CSMD2: variants seen among roughly 807,000 people sequenced by gnomAD.
CSMD2 encodes the protein CUB and sushi domain-containing protein 2.
CSMD2 carries 130 observed loss-of-function variants against 398.5 expected under a neutral mutation model. The ratio of observed to expected loss-of-function variants is 0.33; its 90% CI spans 0.28 to 0.38. The LOEUF (loss-of-function observed/expected upper bound fraction) is 0.38, where lower values mean the gene tolerates loss of function less well. CSMD2 is among the 10% of genes least tolerant of loss of function. The probability of loss-of-function intolerance (pLI) is 1.00; values close to 1 mark genes in which losing one functional copy is unlikely to be tolerated. For synonymous variants in CSMD2, 1,828 were observed against 1,908.5 expected (o/e 0.96, Z 1.10); for missense variants, 3,829 against 4,764.9 (o/e 0.80, Z 5.78).
chr1:33,737,889 A>T lies in CSMD2; in HGVS notation c.2368+1251T>A, dbSNP rs556397638. On this transcript the variant is annotated intron_variant, in intron 15 of 70. Coordinates refer to ENST00000373381, the MANE Select transcript of CSMD2 (RefSeq NM_001281956.2). ...GACTTACTTTATACCAGGACTGCCT[A>T]CTCCATACACATCTGATAATTATCA... 7.2e-5 allele frequency among the ~76,000 whole-genome samples: 11 copies of T among 152,198 alleles called. 1 individual carries two copies. In the South Asian group the frequency reaches 2.3e-3, roughly 32 times the overall value.
chr1:33,565,826 G>A (rs77727557), intron 53 of CSMD2, among the ~76,000 whole-genome samples: 6 of 151,976 alleles, frequency 3.9e-5, no homozygotes, highest in Non-Finnish European at 7.4e-5. Flanking sequence ...CAGCACAAAT[G>A]GACAAAAGGT....
intron 13 of CSMD2, among the ~76,000 whole-genome samples, chr1:33,770,990 C>A (rs181927619): frequency 6.6e-6 from 1 of 152,172 alleles, no homozygotes; most frequent in Non-Finnish European, 1.5e-5. Flanking sequence ...AGCAACAGTC[C>A]CTCAGCTGGC....
intron 5 of CSMD2, among the ~76,000 whole-genome samples, chr1:33,894,680 C>T (rs1417655484): frequency 6.6e-6 from 1 of 152,170 alleles, no homozygotes; most frequent in Non-Finnish European, 1.5e-5. Context: ...ACCTGTGCTT[C>T]CTAATAGAAC....
intron 5 of CSMD2, among the ~76,000 whole-genome samples, chr1:33,907,128 T>G (rs1643140635): frequency 6.8e-6 from 1 of 147,510 alleles, no homozygotes; most frequent in African/African-American, 2.5e-5. Context: ...TTTTTTTTTT[T>G]TTTTTTTTGA....
At chr1:34,130,513 G>A (rs1347014667) in intron 1 of CSMD2, among the ~76,000 whole-genome samples, 1 of 151,968 alleles carries the variant, frequency 6.6e-6, no homozygotes, top group Non-Finnish European at 1.5e-5. Context: ...GGCAGTCAAG[G>A]CCAGATCAAA....
chr1:33,776,431 G>C (rs757441621), intron 12 of CSMD2, among the ~76,000 whole-genome samples: 1 of 152,194 alleles, frequency 6.6e-6, no homozygotes, highest in Non-Finnish European at 1.5e-5. Context: ...TTTCTAAGTG[G>C]AGGAGGTCAC....
intron 3 of CSMD2, among the ~76,000 whole-genome samples, chr1:33,987,236 T>C (rs1451309495): frequency 6.6e-6 from 1 of 152,136 alleles, no homozygotes; most frequent in Non-Finnish European, 1.5e-5. Flanking sequence ...AAACAAGTAA[T>C]GATACCCCCT....
intron 5 of CSMD2, among the ~76,000 whole-genome samples, chr1:33,916,388 T>G (rs1643723531): frequency 6.6e-6 from 1 of 152,208 alleles, no homozygotes; most frequent in Admixed American, 6.5e-5. Flanking sequence ...AAACAGGTAT[T>G]TTACAAAAGA....
At chr1:33,937,890 T>C (rs767770972) in intron 3 of CSMD2, among the ~76,000 whole-genome samples, 1 of 152,258 alleles carries the variant, frequency 6.6e-6, no homozygotes, top group Non-Finnish European at 1.5e-5. Context: ...TCTCATTCCA[T>C]TGGGCCACAG....
At chr1:33,872,147 A>T (rs1346810101) in intron 5 of CSMD2, among the ~76,000 whole-genome samples, 1 of 152,230 alleles carries the variant, frequency 6.6e-6, no homozygotes, top group Non-Finnish European at 1.5e-5. Context: ...TAGTGCCACT[A>T]TTGTCTGCAG....
At position 33,611,041 on chromosome 1, in the gene CSMD2, C is replaced by T; in HGVS notation, c.6343G>A (p.Ala2115Thr). The change falls in exon 41 of 71, where the codon GCC becomes ACC. Residue 2115 changes from alanine to threonine, a missense_variant and splice_region_variant. Ala to Thr is a moderately conservative substitution (Grantham distance 58, BLOSUM62 0). Transcript: ENST00000373381. The stretch of plus-strand genomic sequence containing the variant: ...CAAAGGCGGTGCTCCTTGTCCTTAC[C>T]CTGATACTCCAGCTTGAATCCTGGC... ...NRPGFKLEYQ[A>T]YELQECPDPE... 6.2e-7 allele frequency: 1 copy of T among 1,613,556 alleles called. No individual in the cohort carries two copies. The highest frequency in any genetic ancestry group is 8.5e-7 in the Non-Finnish European group (1 of 1,179,836).
intron 3 of CSMD2, among the ~76,000 whole-genome samples, chr1:33,984,881 AGGC>A (rs1432582483): frequency 8.6e-5 from 13 of 151,860 alleles, no homozygotes; most frequent in African/African-American, 2.9e-4. Context: ...GCAGGCAGGC[AGGC>A]AGGAAGGAAG....
intron 24 of CSMD2, among the ~76,000 whole-genome samples, chr1:33,695,448 G>T (rs188690888): frequency 1.4e-4 from 21 of 152,272 alleles, no homozygotes; most frequent in African/African-American, 4.6e-4. Context: ...GGCAGGTGAA[G>T]AGGTCTACAT....
rs781778020 is a variant in CSMD2, at chr1:33,537,390, C to G, written c.9805+46G>C. ...TCATCTCAGGCCCAAAAGAAGGTCTCCCGCAACCCCAGCCAAGACGCTCCC... is the reference window on the plus strand; with the variant it reads ...TCATCTCAGGCCCAAAAGAAGGTCTGCCGCAACCCCAGCCAAGACGCTCCC... On this transcript the variant is annotated intron_variant, in intron 61 of 70. Coordinates refer to ENST00000373381, the MANE Select transcript of CSMD2 (RefSeq NM_001281956.2). This position sits in a 1 kb window ranked among gnomAD's most constrained non-coding sequence, Gnocchi z 4.6. 1.9e-6 allele frequency: 3 copies of G among 1,567,356 alleles called. No individual in the cohort carries two copies. The highest frequency in any genetic ancestry group is 1.8e-5 in the Admixed American group (1 of 54,686).
At chr1:33,554,490 T>C (rs1657774724) in intron 55 of CSMD2, among the ~76,000 whole-genome samples, 1 of 152,090 alleles carries the variant, frequency 6.6e-6, no homozygotes, top group Non-Finnish European at 1.5e-5. Context: ...ACCGACAGCC[T>C]TCTATTTGAA....
chr1:34,081,609 G>A (rs140792657), intron 2 of CSMD2, among the ~76,000 whole-genome samples: 4,604 of 152,222 alleles, frequency 0.03, 225 homozygotes, highest in African/African-American at 0.1. Context: ...TGGTGGAGAC[G>A]GGGTTTCGCC....
chr1:33,718,002 C>T (rs796939284), intron 19 of CSMD2, among the ~76,000 whole-genome samples: 61 of 152,272 alleles, frequency 4.0e-4, no homozygotes, highest in African/African-American at 1.4e-3. Flanking sequence ...GGAAGGGAGA[C>T]AGAAAAACTC....
intron 25 of CSMD2, among the ~76,000 whole-genome samples, chr1:33,685,112 G>T (rs1418326454): frequency 6.6e-6 from 1 of 152,156 alleles, no homozygotes; most frequent in Non-Finnish European, 1.5e-5. Context: ...AGAGAGCTCC[G>T]TGCCCTTTCC....
intron 3 of CSMD2, among the ~76,000 whole-genome samples, chr1:33,987,920 G>A (rs1435716499): frequency 2.0e-5 from 3 of 152,134 alleles, no homozygotes; most frequent in South Asian, 2.1e-4. Context: ...TATCTCACCC[G>A]ACCTATTGCA....
Sources: allele counts gnomAD v4.1 joint callset (sites outside exome capture counted in the v4.1 genomes callset), GRCh38; gene constraint gnomAD v4.1.1; non-coding constraint Gnocchi (gnomAD v3.1); transcripts MANE v1.5; gene names NCBI Gene and HGNC (gene_info 2026-07-23, HGNC 2026-07-21).